SGCZ: variants seen among roughly 807,000 people sequenced by gnomAD.
SGCZ encodes sarcoglycan zeta, also known as zeta-sarcoglycan.
Under a neutral mutation model 41.3 loss-of-function variants are expected in SGCZ, and 40 were observed. That is an observed-to-expected ratio of 0.97 (90% CI 0.75 to 1.26). The LOEUF (loss-of-function observed/expected upper bound fraction) is 1.26. Ranked by LOEUF, SGCZ falls within the 50% of genes most tolerant of loss-of-function variation. The pLI, the probability that SGCZ is intolerant of heterozygous loss-of-function variation, is 0.00. For synonymous variants in SGCZ, 206 were observed against 137.5 expected, an observed-to-expected ratio of 1.50 and a Z score of -3.49; for missense variants, 552 against 369.8, an observed-to-expected ratio of 1.49 and a Z score of -4.04.
chr8:14,760,385 T>C (rs1799824503), intron 1 of SGCZ, among the ~76,000 whole-genome samples: 4 of 152,204 alleles, frequency 2.6e-5, no homozygotes, highest in Admixed American at 2.6e-4. Context: ...ATTTAAATTG[T>C]TGCTAATCAA....
chr8:14,591,479 A>G (rs954262806), intron 1 of SGCZ, among the ~76,000 whole-genome samples: 4 of 152,190 alleles, frequency 2.6e-5, no homozygotes, highest in African/African-American at 9.6e-5. Context: ...AATATTTTAA[A>G]ACCCTGATCA....
chr8:14,170,864 C>T (rs1308820943), intron 4 of SGCZ, among the ~76,000 whole-genome samples: 2 of 151,880 alleles, frequency 1.3e-5, no homozygotes, highest in Non-Finnish European at 2.9e-5. Context: ...AATTATTATG[C>T]AAGTGTAGAA....
At chr8:14,797,790 G>A (rs1432853538) in intron 1 of SGCZ, among the ~76,000 whole-genome samples, 2 of 152,174 alleles carry the variant, frequency 1.3e-5, no homozygotes, top group Non-Finnish European at 2.9e-5. Context: ...GTGCAGCCTA[G>A]GGATTTGGTG....
At chr8:14,244,403 C>A (rs1312504906) in intron 3 of SGCZ, among the ~76,000 whole-genome samples, 1 of 152,084 alleles carries the variant, frequency 6.6e-6, no homozygotes, top group Non-Finnish European at 1.5e-5. Flanking sequence ...CATTCCTTTC[C>A]TTAATACTTG....
At chr8:14,304,514 A>C (rs1189446613) in intron 3 of SGCZ, among the ~76,000 whole-genome samples, 1 of 152,156 alleles carries the variant, frequency 6.6e-6, no homozygotes, top group East Asian at 1.9e-4. Flanking sequence ...GGATCACTTG[A>C]GACCAGCGGT....
At chr8:14,689,001 AT>A (rs1223850972) in intron 1 of SGCZ, among the ~76,000 whole-genome samples, 5 of 152,150 alleles carry the variant, frequency 3.3e-5, no homozygotes, top group African/African-American at 4.8e-5. Flanking sequence ...CATGAAAAAA[AT>A]ATATTTAAAA....
chr8:15,018,073 G>C (rs966647830), intron 1 of SGCZ, among the ~76,000 whole-genome samples: 39 of 151,984 alleles, frequency 2.6e-4, no homozygotes, highest in African/African-American at 9.0e-4. Context: ...TAAGACACTG[G>C]TACTGAAATA....
chr8:15,004,646 C>T (rs7815541), intron 1 of SGCZ, among the ~76,000 whole-genome samples: 59,442 of 151,736 alleles, frequency 0.39, 12,852 homozygotes, highest in Non-Finnish European at 0.48. Context: ...TCCCATTTTC[C>T]TTCAGTAAAT....
intron 1 of SGCZ, among the ~76,000 whole-genome samples, chr8:15,122,260 A>C (rs765429849): frequency 6.6e-6 from 1 of 152,024 alleles, no homozygotes; most frequent in Non-Finnish European, 1.5e-5. Context: ...GCTTAATGGG[A>C]ATTGTGGTAT....
Position 14,170,705 on chromosome 8 carries a change from C to A in SGCZ, c.425-6003G>T, listed in dbSNP as rs1841902. On this transcript the variant is annotated intron_variant, in intron 4 of 7. Transcript: ENST00000382080. ...AAATGGCAATATTTCCAAACTGTAG[C>A]TAGAACAAAGTTGACGGGTGAGACG... is the stretch of plus-strand genomic sequence containing the variant. 3.3e-4 allele frequency among the ~76,000 whole-genome samples: 50 copies of A among 152,118 alleles called. No individual in the cohort carries two copies. In the East Asian group the frequency reaches 3.5e-3, roughly 11 times the overall value.
At chr8:14,586,463 T>C (rs1203563029) in intron 1 of SGCZ, among the ~76,000 whole-genome samples, 4 of 152,206 alleles carry the variant, frequency 2.6e-5, no homozygotes, top group African/African-American at 9.6e-5. Flanking sequence ...TCTGCCCGCC[T>C]AGGCTTTCCA....
At chr8:14,878,093 C>T (rs1010896515) in intron 1 of SGCZ, among the ~76,000 whole-genome samples, 2 of 151,958 alleles carry the variant, frequency 1.3e-5, no homozygotes, top group African/African-American at 4.8e-5. Context: ...TTGCAGTTCC[C>T]TCTTTATTTG....
intron 1 of SGCZ, among the ~76,000 whole-genome samples, chr8:15,049,368 G>C (rs1007168364): frequency 6.6e-6 from 1 of 152,102 alleles, no homozygotes; most frequent in Non-Finnish European, 1.5e-5. Flanking sequence ...AGAGGGAAGA[G>C]CAAGAGCAGG....
chr8:14,931,303 AT>A (rs1285821937), intron 1 of SGCZ, among the ~76,000 whole-genome samples: 3 of 152,070 alleles, frequency 2.0e-5, no homozygotes, highest in Admixed American at 6.6e-5. Context: ...CAGTCATTTT[AT>A]AACTTTTCTT....
intron 2 of SGCZ, among the ~76,000 whole-genome samples, chr8:14,355,636 C>T (rs1225813494): frequency 6.6e-6 from 1 of 151,742 alleles, no homozygotes; most frequent in African/African-American, 2.4e-5. Flanking sequence ...CTTTGGAAAA[C>T]ACCAAGTACT....
chr8:14,421,156 G>A (rs149846243), intron 2 of SGCZ, among the ~76,000 whole-genome samples: 6 of 152,124 alleles, frequency 3.9e-5, no homozygotes, highest in Admixed American at 2.6e-4. Flanking sequence ...GAATGCCTTC[G>A]TATGACCAGT....
intron 1 of SGCZ, among the ~76,000 whole-genome samples, chr8:15,224,133 G>A (rs1313749759): frequency 6.6e-6 from 1 of 152,154 alleles, no homozygotes; most frequent in Non-Finnish European, 1.5e-5. Context: ...TGGGATAACA[G>A]GCGTGAGCCA....
intron 1 of SGCZ, among the ~76,000 whole-genome samples, chr8:14,567,033 C>T (rs141518299): frequency 0.011 from 1,618 of 152,318 alleles, 27 homozygotes; most frequent in Middle Eastern, 0.071. Context: ...GCCGGCTCCC[C>T]GGGGCTGTGC....
intron 1 of SGCZ, among the ~76,000 whole-genome samples, chr8:14,584,302 A>G (rs62498444): frequency 0.058 from 8,775 of 152,216 alleles, 289 homozygotes; most frequent in African/African-American, 0.073. Flanking sequence ...AAGTCATGAA[A>G]GCTGGAATTT....
Sources: allele counts gnomAD v4.1 joint callset (sites outside exome capture counted in the v4.1 genomes callset), GRCh38; gene constraint gnomAD v4.1.1; transcripts MANE v1.5; gene names NCBI Gene and HGNC (gene_info 2026-07-23, HGNC 2026-07-21).